Variants in SSBP3 observed in about 807,000 individuals in gnomAD.
SSBP3 encodes the protein single stranded DNA binding protein 3.
SSBP3 carries 5 observed loss-of-function variants against 69.6 expected under a neutral mutation model. The ratio of observed to expected loss-of-function variants is 0.07; its 90% CI spans 0.04 to 0.15. The LOEUF (loss-of-function observed/expected upper bound fraction) is 0.15. Ranked by LOEUF, SSBP3 falls within the 10% of genes least tolerant of loss-of-function variation. The pLI is 1.00. For missense variants in SSBP3, 312 were observed against 534.0 expected, an observed-to-expected ratio of 0.58 and a Z score of 4.10; for synonymous variants, 196 against 193.4, an observed-to-expected ratio of 1.01 and a Z score of -0.11.
intron 15 of SSBP3, 115 bp from the exon 16 acceptor site, chr1:54,228,592 CG>C: frequency 6.6e-7 from 1 of 1,505,520 alleles, no homozygotes; most frequent in Non-Finnish European, 9.0e-7. Context: ...CCACACTGTG[CG>C]GAGGGCTTTC....
intron 4 of SSBP3, among the ~76,000 whole-genome samples, chr1:54,300,128 A>G (rs989024403): frequency 1.3e-5 from 2 of 152,172 alleles, no homozygotes; most frequent in Non-Finnish European, 2.9e-5. Context: ...CACAGAAGAT[A>G]AGGTTAGCAG....
chr1:54,356,322 G>A (rs946336600), intron 4 of SSBP3: 2 of 152,210 alleles, frequency 1.3e-5, no homozygotes, highest in Admixed American at 1.3e-4. Context: ...CAGACACGGT[G>A]CAAAGGAAAC....
chr1:54,400,043 T>C (rs1649183278), intron 4 of SSBP3, among the ~76,000 whole-genome samples: 1 of 152,176 alleles, frequency 6.6e-6, no homozygotes, highest in African/African-American at 2.4e-5. Flanking sequence ...CTTCTAAATG[T>C]CAACGCCAAC....
intron 4 of SSBP3, among the ~76,000 whole-genome samples, chr1:54,383,003 A>AAGAG (rs961815124): frequency 1.4e-5 from 2 of 138,018 alleles, no homozygotes; most frequent in African/African-American, 5.6e-5. Flanking sequence ...AAAAAAAAAG[A>AAGAG]AGAGAGAGAG....
chr1:54,368,453 T>C (rs1647064676), intron 4 of SSBP3, among the ~76,000 whole-genome samples: 1 of 151,366 alleles, frequency 6.6e-6, no homozygotes, highest in African/African-American at 2.4e-5. Context: ...GATTGCCAAC[T>C]GGACCCATAG....
intron 5 of SSBP3, among the ~76,000 whole-genome samples, chr1:54,263,222 C>T (rs947316933): frequency 2.0e-5 from 3 of 152,198 alleles, no homozygotes; most frequent in Non-Finnish European, 4.4e-5. Flanking sequence ...CACTGTAAAA[C>T]GGATTCAAGG....
intron 4 of SSBP3, among the ~76,000 whole-genome samples, chr1:54,313,044 T>C (rs1239868315): frequency 2.1e-5 from 3 of 144,294 alleles, no homozygotes; most frequent in Non-Finnish European, 4.5e-5. Context: ...TTTTTTTCCA[T>C]TGAGCAGGAA....
intron 10 of SSBP3, 86 bp downstream of exon 10, chr1:54,243,149 C>T (rs544309670): frequency 1.6e-5 from 19 of 1,198,486 alleles, no homozygotes; most frequent in Middle Eastern, 2.3e-4. Flanking sequence ...CAGCAATGAC[C>T]CCTTATCATG....
At chr1:54,285,143 T>C (rs1162660162) in intron 4 of SSBP3, among the ~76,000 whole-genome samples, 3 of 152,212 alleles carry the variant, frequency 2.0e-5, no homozygotes, top group Non-Finnish European at 4.4e-5. Context: ...GTGCCTTGAA[T>C]TTTGATAGTT....
chr1:54,231,860 A>C (rs1329542200), intron 14 of SSBP3, among the ~76,000 whole-genome samples: 1 of 151,748 alleles, frequency 6.6e-6, no homozygotes, highest in Non-Finnish European at 1.5e-5. Context: ...ACACCTGGCT[A>C]ATTTTGTATT....
intron 13 of SSBP3, 35 bp downstream of exon 13, chr1:54,240,870 A>G: frequency 6.2e-7 from 1 of 1,612,218 alleles, no homozygotes; most frequent in South Asian, 1.1e-5. Context: ...ACCCTCCACC[A>G]CCAGACCCCC....
chr1:54,240,109 CGCGCGCGCGCGCA>C (rs1557449098), intron 13 of SSBP3, among the ~76,000 whole-genome samples: 167 of 3,082 alleles, frequency 0.054, 5 homozygotes, highest in African/African-American at 0.14. Context: ...CGTGTGCGTG[CGCGCGCGCGCGCA>C]ACACATGCCC....
chr1:54,240,830 C>A, intron 13 of SSBP3, 75 bp downstream of exon 13: 2 of 1,582,988 alleles, frequency 1.3e-6, no homozygotes, highest in South Asian at 1.1e-5. Context: ...TGCAACAGTG[C>A]CCCTCCAGGT....
chr1:54,319,302 C>T (rs1646171678), intron 4 of SSBP3, among the ~76,000 whole-genome samples: 1 of 152,148 alleles, frequency 6.6e-6, no homozygotes, highest in Non-Finnish European at 1.5e-5. Flanking sequence ...TCCCCTTGCA[C>T]AGTGACGGTC....
At chr1:54,290,070 G>A (rs1645576706) in intron 4 of SSBP3, among the ~76,000 whole-genome samples, 1 of 152,216 alleles carries the variant, frequency 6.6e-6, no homozygotes, top group Non-Finnish European at 1.5e-5. Context: ...GGCAGAACCA[G>A]AAGTCAAGCC....
At chr1:54,233,414 C>G (rs1035453238) in intron 14 of SSBP3, among the ~76,000 whole-genome samples, 2 of 150,846 alleles carry the variant, frequency 1.3e-5, no homozygotes, top group Admixed American at 1.3e-4. Flanking sequence ...TGAGGAGCCT[C>G]TCCGCCCGGC....
At chr1:54,247,730 G>A (rs953305351) in intron 9 of SSBP3, among the ~76,000 whole-genome samples, 25 of 152,144 alleles carry the variant, frequency 1.6e-4, no homozygotes, top group Non-Finnish European at 2.5e-4. Context: ...TTGGCACCCC[G>A]GGGTCTGGGA....
At chr1:54,244,815 A>G (rs570922413) in intron 9 of SSBP3, among the ~76,000 whole-genome samples, 1 of 151,832 alleles carries the variant, frequency 6.6e-6, no homozygotes, top group East Asian at 1.9e-4. Context: ...AGCCCTCCTG[A>G]CCCCACCCCT....
At chr1:54,344,781 G>C (rs1012190122) in intron 4 of SSBP3, among the ~76,000 whole-genome samples, 1 of 152,236 alleles carries the variant, frequency 6.6e-6, no homozygotes, top group African/African-American at 2.4e-5. Context: ...GGAGGCCAAA[G>C]CAGGAGGATC....
Sources: allele counts gnomAD v4.1 joint callset (sites outside exome capture counted in the v4.1 genomes callset), GRCh38; gene constraint gnomAD v4.1.1; transcripts MANE v1.5; gene names NCBI Gene and HGNC (gene_info 2026-07-23, HGNC 2026-07-21).